The following ZRANB1 variants were observed in gnomAD, a reference collection of about 807,000 sequenced individuals.
ZRANB1 encodes zinc finger RANBP2-type containing 1, also known as ubiquitin thioesterase ZRANB1.
A neutral mutation model predicts 80.5 loss-of-function variants in ZRANB1; 16 were observed. The observed-to-expected ratio is 0.20, with a 90% CI of 0.13 to 0.30. The LOEUF (loss-of-function observed/expected upper bound fraction) is 0.30, where lower values mean the gene tolerates loss of function less well. Among genes scored for constraint, ZRANB1 ranks in the 10% least tolerant of loss-of-function variants. The pLI is 1.00. For synonymous variants in ZRANB1, 291 were observed against 293.1 expected, an observed-to-expected ratio of 0.99 and a Z score of 0.07; for missense variants, 576 against 862.6, an observed-to-expected ratio of 0.67 and a Z score of 4.16.
At chr10:124,941,037 T>TA (rs1951531503), upstream of ZRANB1, among the ~76,000 whole-genome samples, 1 of 151,754 alleles carries the variant, frequency 6.6e-6, no homozygotes, top group Admixed American at 6.6e-5. Flanking sequence ...ACAAAAGATT[T>TA]AACCCTCTAG....
intron 6 of ZRANB1, 57 bp downstream of exon 6, chr10:124,981,886 C>T (rs1212206613): frequency 4.4e-6 from 7 of 1,599,260 alleles, no homozygotes; most frequent in Non-Finnish European, 6.0e-6. Flanking sequence ...GTAGTCTAAA[C>T]TGGTTTATTT....
the ZRANB1 span, among the ~76,000 whole-genome samples, chr10:124,922,164 T>C: frequency 1.3e-5 from 2 of 150,618 alleles, no homozygotes; most frequent in African/African-American, 4.9e-5. Flanking sequence ...AGGCTGGTCT[T>C]GAATTCCTGG....
intron 5 of ZRANB1, 98 bp from the exon 6 acceptor site, chr10:124,981,611 A>T: frequency 1.8e-6 from 2 of 1,113,706 alleles, no homozygotes; most frequent in Non-Finnish European, 2.5e-6. Context: ...TGTTTCACAG[A>T]CTGCTTAAAG....
At chr10:124,941,149 G>A (rs1365337232), upstream of ZRANB1, among the ~76,000 whole-genome samples, 1 of 151,486 alleles carries the variant, frequency 6.6e-6, no homozygotes, top group Admixed American at 6.6e-5. Context: ...ATGATACTGA[G>A]TTGATAAAAG....
At position 124,986,090 on chromosome 10, in the gene ZRANB1, TTA is replaced by T. The variant is rs373740942; in HGVS notation, c.*1099_*1100del. The T allele has an allele frequency of 2.6e-5, 4 of 152,644 alleles. No homozygotes were observed. The highest frequency in any genetic ancestry group is 9.6e-5 in the African/African-American group (4 of 41,452). The allele number at this position is 152,644 out of a possible 1,614,324, so 9.5% of individuals were successfully genotyped here. Reference sequence around the variant, plus strand: ...TGGTTAATTGTGGCCATTCTTTAATTTAAAGTTAAAACTATAATCTTAGGTAG... The same window carrying T: ...TGGTTAATTGTGGCCATTCTTTAATTAAGTTAAAACTATAATCTTAGGTAG... On this transcript the variant is annotated 3_prime_UTR_variant, in exon 9 of 9. Transcript: ENST00000359653.
the ZRANB1 span, among the ~76,000 whole-genome samples, chr10:124,924,577 A>G: frequency 1.3e-5 from 2 of 152,168 alleles, no homozygotes; most frequent in African/African-American, 4.8e-5. Context: ...TGTACAATAT[A>G]TGACCGTTTA....
chr10:124,926,708 C>T, the ZRANB1 span, among the ~76,000 whole-genome samples: 2 of 152,108 alleles, frequency 1.3e-5, no homozygotes, highest in South Asian at 4.1e-4. Flanking sequence ...TACTTATTAT[C>T]ATGATCAGAT....
intron 3 of ZRANB1, among the ~76,000 whole-genome samples, chr10:124,972,323 C>G (rs1476610379): frequency 2.0e-5 from 3 of 152,186 alleles, no homozygotes; most frequent in African/African-American, 7.2e-5. Context: ...GAGAGGAAGA[C>G]AGCAGTTGAT....
At chr10:124,929,944 CAAAA>C in the ZRANB1 span, among the ~76,000 whole-genome samples, 1 of 87,802 alleles carries the variant, frequency 1.1e-5, no homozygotes, top group African/African-American at 4.3e-5. Flanking sequence ...GACTCTGTCT[CAAAA>C]AAAAAAAAAA....
Position 124,973,703 on chromosome 10 carries a change from A to G in ZRANB1, c.1215A>G (p.Arg405=), listed in dbSNP as rs764495195. ...AATTATTTGATGAGGTGCTTGATAG[A>G]GACGTTCAAAAAGGTAAGCATGGAA... ...QEKLFDEVLD[R]DVQKELEEES... The change falls in exon 4 of 9, where the codon AGA becomes AGG. Residue 405 remains arginine, a synonymous_variant. Transcript: ENST00000359653. 7 of 1,612,334 alleles carry G rather than the reference A, an allele frequency of 4.3e-6. No individual in the cohort carries two copies. The highest frequency in any genetic ancestry group is 5.9e-6 in the Non-Finnish European group (7 of 1,179,510).
At position 124,986,285 on chromosome 10, in the gene ZRANB1, GCGCGCGCACA is replaced by G. The variant is rs1166367615; in HGVS notation, c.*1295_*1304del. ...TTGGAAAGACGACACACGCACGCGC[GCGCGCGCACA>G]CACACACACACACACACACACACAC... On this transcript the variant is annotated 3_prime_UTR_variant, in exon 9 of 9. Coordinates refer to ENST00000359653, the MANE Select transcript of ZRANB1 (RefSeq NM_017580.3). 4.0e-4 allele frequency: 23 copies of G among 57,844 alleles called. No individual in the cohort carries two copies. The highest frequency in any genetic ancestry group is 1.2e-3 in the African/African-American group (22 of 17,922). The allele number at this position is 57,844 out of a possible 1,614,324, so 3.6% of individuals were successfully genotyped here. A position where few individuals can be genotyped will look rare whatever the true frequency, so the allele number is the denominator to read the frequency against.
the ZRANB1 span, among the ~76,000 whole-genome samples, chr10:124,924,418 C>T: frequency 2.0e-5 from 3 of 151,898 alleles, no homozygotes; most frequent in East Asian, 3.9e-4. Context: ...CATTACCAAC[C>T]ACTATATAAT....
upstream of ZRANB1, among the ~76,000 whole-genome samples, chr10:124,939,527 G>A (rs1440456142): frequency 6.6e-6 from 1 of 152,038 alleles, no homozygotes; most frequent in Non-Finnish European, 1.5e-5. Flanking sequence ...AATATATTGT[G>A]CCAGCATATT....
chr10:124,973,598 G>C, intron 3 of ZRANB1, 47 bp from the exon 4 acceptor site: 1 of 1,521,816 alleles, frequency 6.6e-7, no homozygotes, highest in Non-Finnish European at 9.0e-7. Context: ...TAAGTTAAGT[G>C]TAAGTTATGA....
At chr10:124,972,782 T>A (rs899927401) in intron 3 of ZRANB1, among the ~76,000 whole-genome samples, 2 of 152,014 alleles carry the variant, frequency 1.3e-5, no homozygotes, top group Admixed American at 1.3e-4. Context: ...TGCTGTTTTT[T>A]TTTTTTTTAG....
chr10:124,963,924 T>TA (rs539286531), intron 1 of ZRANB1, among the ~76,000 whole-genome samples: 1 of 152,260 alleles, frequency 6.6e-6, no homozygotes, highest in Non-Finnish European at 1.5e-5. Context: ...TATTATTTTT[T>TA]ACCTATATTT....
At chr10:124,949,451 A>ATATATATATGTTTACACACATATG (rs1564957243) in intron 1 of ZRANB1, among the ~76,000 whole-genome samples, 3 of 144,412 alleles carry the variant, frequency 2.1e-5, no homozygotes, top group African/African-American at 8.5e-5. Context: ...ACACATATGT[A>ATATATATATGTTTACACACATATG]TATATATATG....
rs571049590 is a variant in ZRANB1, at chr10:124,973,408, C to T, written c.1157-237C>T. On this transcript the variant is annotated intron_variant, in intron 3 of 8. Transcript: ENST00000359653. Reference sequence around the variant, plus strand: ...CTGAGTTCAAGCAGTATGCTGGCCTCAGCCTCCCAAAGTGCTGGAATTATA... The same window carrying T: ...CTGAGTTCAAGCAGTATGCTGGCCTTAGCCTCCCAAAGTGCTGGAATTATA... Among the ~76,000 whole-genome samples the T allele has an allele frequency of 5.5e-4, 84 of 152,366 alleles. 3 individuals are homozygous for T. Among genetic ancestry groups the T allele is most frequent in the Middle Eastern group, 3.4e-3 (1 of 294 alleles).
At chr10:124,928,671 C>T in the ZRANB1 span, among the ~76,000 whole-genome samples, 1 of 152,210 alleles carries the variant, frequency 6.6e-6, no homozygotes, top group Non-Finnish European at 1.5e-5. Context: ...TGTTGGGATA[C>T]ATCTGTGAAC....
Sources: gnomAD v4.1 joint callset for allele counts (sites outside exome capture counted in the v4.1 genomes callset) on GRCh38, gnomAD v4.1.1 for gene constraint, MANE v1.5 for transcripts, NCBI Gene and HGNC (gene_info 2026-07-23, HGNC 2026-07-21) for gene names.